The following PDGFD variants were observed in gnomAD, a reference collection of about 807,000 sequenced individuals.
The protein encoded by PDGFD is platelet derived growth factor D.
PDGFD carries 30 observed loss-of-function variants against 44.7 expected under a neutral mutation model. The ratio of observed to expected loss-of-function variants is 0.67; its 90% CI spans 0.50 to 0.91. The LOEUF is 0.91. Among genes scored for constraint, PDGFD ranks in the 40% least tolerant of loss-of-function variants. PDGFD has a pLI of 0.00. For synonymous variants in PDGFD, 173 were observed against 168.4 expected (o/e 1.03, Z -0.21); for missense variants, 445 against 457.8 (o/e 0.97, Z 0.25).
At chr11:104,028,200 A>T (rs953640628) in intron 1 of PDGFD, among the ~76,000 whole-genome samples, 29 of 151,944 alleles carry the variant, frequency 1.9e-4, no homozygotes, top group African/African-American at 6.0e-4. Context: ...AGAAAAAAAA[A>T]AAAAAAAAAA....
intron 1 of PDGFD, among the ~76,000 whole-genome samples, chr11:104,161,694 G>A (rs927538018): frequency 6.6e-6 from 1 of 152,142 alleles, no homozygotes; most frequent in African/African-American, 2.4e-5. Context: ...CAATATCTAA[G>A]ATTGTGTTCA....
At chr11:104,061,477 A>G (rs1240477874) in intron 1 of PDGFD, among the ~76,000 whole-genome samples, 1 of 152,212 alleles carries the variant, frequency 6.6e-6, no homozygotes, top group African/African-American at 2.4e-5. Flanking sequence ...CAGATGCCCT[A>G]ATTTTAAAAG....
At chr11:103,941,908 G>A (rs1199760822) in intron 5 of PDGFD, among the ~76,000 whole-genome samples, 1 of 151,976 alleles carries the variant, frequency 6.6e-6, no homozygotes, top group Non-Finnish European at 1.5e-5. Flanking sequence ...AGTTGACCTA[G>A]TAGAGATCCA....
chr11:104,127,976 T>C (rs150082947), intron 1 of PDGFD, among the ~76,000 whole-genome samples: 4 of 152,248 alleles, frequency 2.6e-5, no homozygotes, highest in African/African-American at 7.2e-5. Context: ...GAGAAAGTGA[T>C]TGGCCCAGCT....
At position 103,944,237 on chromosome 11, in the gene PDGFD, G is replaced by C. The variant is rs1020770634; in HGVS notation, c.574-587C>G. ...GAAATTGGCTCTCTTGACTTAAAAG[G>C]AGAGGATTCACATGGGGAACATATT... On this transcript the variant is annotated intron_variant, in intron 4 of 6. Coordinates refer to ENST00000393158, the MANE Select transcript of PDGFD (RefSeq NM_025208.5). 2.0e-5 allele frequency among the ~76,000 whole-genome samples: 3 copies of C among 152,196 alleles called. No individual in the cohort carries two copies. In the South Asian group the frequency reaches 6.2e-4, roughly 32 times the overall value.
At chr11:103,939,813 G>A (rs143497742) in intron 5 of PDGFD, among the ~76,000 whole-genome samples, 1,730 of 152,100 alleles carry the variant, frequency 0.011, 39 homozygotes, top group African/African-American at 0.038. Context: ...AAAGCATGAG[G>A]CTGAAACTAC....
At chr11:104,076,380 A>G (rs1400412923) in intron 1 of PDGFD, among the ~76,000 whole-genome samples, 2 of 151,832 alleles carry the variant, frequency 1.3e-5, no homozygotes, top group Non-Finnish European at 1.5e-5. Flanking sequence ...TGACCATATC[A>G]CTCTTTAGTT....
At chr11:104,018,252 T>C (rs555675955) in intron 1 of PDGFD, among the ~76,000 whole-genome samples, 1 of 152,262 alleles carries the variant, frequency 6.6e-6, no homozygotes, top group Admixed American at 6.5e-5. Flanking sequence ...AGGATTTCAA[T>C]TAATATTTAT....
intron 1 of PDGFD, among the ~76,000 whole-genome samples, chr11:104,017,996 G>A (rs1022257084): frequency 3.3e-5 from 5 of 152,188 alleles, no homozygotes; most frequent in Middle Eastern, 6.8e-3. Context: ...AAAAAATACA[G>A]TACCTTATGC....
chr11:103,983,735 C>A (rs1859308801), intron 3 of PDGFD, among the ~76,000 whole-genome samples: 1 of 151,446 alleles, frequency 6.6e-6, no homozygotes, highest in South Asian at 2.1e-4. Context: ...AAAAAATAAC[C>A]CCATAAAAAA....
chr11:104,103,462 G>GTGTGTA (rs1041388346), intron 1 of PDGFD, among the ~76,000 whole-genome samples: 9,521 of 132,332 alleles, frequency 0.072, 360 homozygotes, highest in Middle Eastern at 0.14. Flanking sequence ...GTGTGTGTGT[G>GTGTGTA]TATATATATA....
chr11:104,148,612 C>G (rs770606878), intron 1 of PDGFD, among the ~76,000 whole-genome samples: 5 of 151,950 alleles, frequency 3.3e-5, no homozygotes, highest in Non-Finnish European at 7.4e-5. Flanking sequence ...TTATTTTAAG[C>G]TCAGGGGTAC....
intron 1 of PDGFD, among the ~76,000 whole-genome samples, chr11:104,043,397 A>G (rs1860390288): frequency 1.3e-5 from 2 of 152,136 alleles, no homozygotes; most frequent in Admixed American, 1.3e-4. Flanking sequence ...TCCCTTTCTG[A>G]TGACTCAGCT....
intron 1 of PDGFD, among the ~76,000 whole-genome samples, chr11:104,107,399 C>T (rs11226158): frequency 6.6e-6 from 1 of 151,936 alleles, no homozygotes; most frequent in Non-Finnish European, 1.5e-5. Flanking sequence ...ACAAACAGTG[C>T]GCTTAGAAGA....
intron 1 of PDGFD, chr11:104,038,588 T>A (rs933872967): frequency 1.2e-5 from 2 of 167,190 alleles, no homozygotes; most frequent in Non-Finnish European, 2.9e-5. Flanking sequence ...ATTTACACCT[T>A]CCCTTCCCCT....
At chr11:104,146,224 T>C (rs10895589) in intron 1 of PDGFD, among the ~76,000 whole-genome samples, 29,943 of 152,144 alleles carry the variant, frequency 0.2, 3,118 homozygotes, top group Middle Eastern at 0.29. Flanking sequence ...TTAATTAAAT[T>C]ATGTAATTAC....
intron 3 of PDGFD, among the ~76,000 whole-genome samples, chr11:103,971,791 A>G (rs1285543663): frequency 6.6e-6 from 1 of 152,234 alleles, no homozygotes; most frequent in African/African-American, 2.4e-5. Context: ...TTATTATATC[A>G]GCGAAGAACA....
At chr11:103,928,243 A>G (rs1269403389) in intron 5 of PDGFD, among the ~76,000 whole-genome samples, 2 of 152,258 alleles carry the variant, frequency 1.3e-5, no homozygotes, top group Non-Finnish European at 2.9e-5. Context: ...GTGCATACAT[A>G]CATGAGTATC....
intron 1 of PDGFD, among the ~76,000 whole-genome samples, chr11:104,022,887 T>C (rs971278094): frequency 4.6e-5 from 7 of 152,070 alleles, no homozygotes; most frequent in African/African-American, 1.2e-4. Flanking sequence ...GAACACTATG[T>C]AGGTAGTAAC....
Sources: gnomAD v4.1 joint callset for allele counts (sites outside exome capture counted in the v4.1 genomes callset) on GRCh38, gnomAD v4.1.1 for gene constraint, MANE v1.5 for transcripts, NCBI Gene and HGNC (gene_info 2026-07-23, HGNC 2026-07-21) for gene names.